Variants in MICU3 observed in about 807,000 individuals in gnomAD.
The protein encoded by MICU3 is calcium uptake protein 3, mitochondrial.
A neutral mutation model predicts 66.5 loss-of-function variants in MICU3; 62 were observed. The observed-to-expected ratio is 0.93, with a 90% CI of 0.76 to 1.15. The LOEUF (loss-of-function observed/expected upper bound fraction) is 1.15, where lower values mean the gene tolerates loss of function less well. Among genes scored for constraint, MICU3 ranks in the 50% most tolerant of loss-of-function variants. The pLI is 0.00. For synonymous variants in MICU3, 308 were observed against 240.7 expected, an observed-to-expected ratio of 1.28 and a Z score of -2.59; for missense variants, 779 against 664.4, an observed-to-expected ratio of 1.17 and a Z score of -1.90.
chr8:17,134,431 T>TTTTG, the MICU3 span, among the ~76,000 whole-genome samples: 71,199 of 148,606 alleles, frequency 0.48, 18,384 homozygotes, highest in East Asian at 0.71. Flanking sequence ...AAAGTCAGCC[T>TTTTG]TTTGTTTGTT....
At chr8:17,102,263 T>A (rs1801332733) in intron 9 of MICU3, among the ~76,000 whole-genome samples, 1 of 151,718 alleles carries the variant, frequency 6.6e-6, no homozygotes, top group South Asian at 2.1e-4. Flanking sequence ...GAGCATGGAG[T>A]AACCTCTGAA....
intron 1 of MICU3, among the ~76,000 whole-genome samples, chr8:17,029,224 C>G (rs1462605086): frequency 6.6e-6 from 1 of 152,132 alleles, no homozygotes; most frequent in East Asian, 1.9e-4. Context: ...GCCTGTAATC[C>G]CAGCACTTTG....
intron 1 of MICU3, among the ~76,000 whole-genome samples, chr8:17,038,781 G>A (rs928968251): frequency 2.0e-5 from 3 of 151,900 alleles, no homozygotes; most frequent in Non-Finnish European, 2.9e-5. Flanking sequence ...GTGAAACCCC[G>A]TCTCTACTGA....
chr8:17,059,479 T>C (rs56178050), intron 1 of MICU3, among the ~76,000 whole-genome samples: 21,965 of 152,158 alleles, frequency 0.14, 2,069 homozygotes, highest in East Asian at 0.38. Context: ...ACTGATAATA[T>C]TCAACATCAT....
chr8:17,097,081 A>G (rs767992391), intron 8 of MICU3, among the ~76,000 whole-genome samples: 11 of 151,534 alleles, frequency 7.3e-5, no homozygotes, highest in South Asian at 6.2e-4. Context: ...AGTAGTGCAC[A>G]GTAAGCCTTA....
chr8:17,067,627 C>T (rs1262797363), intron 2 of MICU3, among the ~76,000 whole-genome samples: 1 of 152,006 alleles, frequency 6.6e-6, no homozygotes, highest in Non-Finnish European at 1.5e-5. Flanking sequence ...TGGAGTTTCA[C>T]CATGGTTTAA....
chr8:17,028,380 A>G (rs1321374802), intron 1 of MICU3, among the ~76,000 whole-genome samples: 2 of 152,192 alleles, frequency 1.3e-5, no homozygotes, highest in South Asian at 2.1e-4. Flanking sequence ...AAAATGTTCA[A>G]CTGTCATTAT....
At chr8:17,066,544 T>TATATATATATATATATATAGAGA (rs1491234403) in intron 2 of MICU3, among the ~76,000 whole-genome samples, 1 of 61,532 alleles carries the variant, frequency 1.6e-5, no homozygotes, top group African/African-American at 1.1e-4. Context: ...TATATATAGA[T>TATATATATATATATATATAGAGA]TTTTTTTTTT....
At chr8:17,101,881 A>G (rs1243623780) in intron 9 of MICU3, among the ~76,000 whole-genome samples, 1 of 151,924 alleles carries the variant, frequency 6.6e-6, no homozygotes, top group African/African-American at 2.4e-5. Context: ...AATATATTTG[A>G]CAAAAATACA....
At chr8:17,086,756 A>G (rs145792572) in intron 6 of MICU3, among the ~76,000 whole-genome samples, 1 of 152,254 alleles carries the variant, frequency 6.6e-6, no homozygotes, top group Non-Finnish European at 1.5e-5. Flanking sequence ...CATTAAGTAC[A>G]TTTAACTTAA....
At chr8:17,046,612 G>C (rs1376581716) in intron 1 of MICU3, among the ~76,000 whole-genome samples, 1 of 152,070 alleles carries the variant, frequency 6.6e-6, no homozygotes, top group Non-Finnish European at 1.5e-5. Context: ...CTTGGGGGAG[G>C]AGAGGTGTCA....
intron 11 of MICU3, among the ~76,000 whole-genome samples, chr8:17,111,838 T>C (rs1802229698): frequency 6.6e-6 from 1 of 152,218 alleles, no homozygotes; most frequent in Admixed American, 6.5e-5. Context: ...TATAAAGAGA[T>C]GCTTGAGACT....
At chr8:17,129,751 C>T in the MICU3 span, among the ~76,000 whole-genome samples, 32 of 152,168 alleles carry the variant, frequency 2.1e-4, no homozygotes, top group East Asian at 5.0e-3. Flanking sequence ...AAGTACTAAC[C>T]AAAATTCTTC....
chr8:17,117,607 CTT>C (rs1244315510), intron 13 of MICU3, among the ~76,000 whole-genome samples: 10 of 129,418 alleles, frequency 7.7e-5, no homozygotes, highest in Admixed American at 8.1e-5. Flanking sequence ...AAGTTTTATC[CTT>C]TTTTTTTTTT....
At chr8:17,033,433 T>G (rs1241184987) in intron 1 of MICU3, among the ~76,000 whole-genome samples, 1 of 152,120 alleles carries the variant, frequency 6.6e-6, no homozygotes, top group Non-Finnish European at 1.5e-5. Flanking sequence ...AAGGCCTTAA[T>G]TATCATCAAT....
In MICU3 at chr8:17,120,766, T is replaced by G. The variant is rs183954435; in HGVS notation, c.*479T>G. 3.9e-5 allele frequency: 6 copies of G among 152,558 alleles called. No individual in the cohort carries two copies. The highest frequency in any genetic ancestry group is 2.6e-4 in the Admixed American group (4 of 15,272). 9.5% of individuals were successfully genotyped at this position (152,558 alleles called of 1,614,324 possible). A position where few individuals can be genotyped will look rare whatever the true frequency, so the allele number is the denominator to read the frequency against. ...TTGAGATTTATAATACCCTTAGAAT[T>G]AAATTCCTGTTATTTGCCCAGTTTT... On this transcript the variant is annotated 3_prime_UTR_variant, in exon 15 of 15. Coordinates refer to ENST00000318063, the MANE Select transcript of MICU3 (RefSeq NM_181723.3).
At chr8:17,096,782 A>G (rs1218846515) in intron 8 of MICU3, among the ~76,000 whole-genome samples, 1 of 151,884 alleles carries the variant, frequency 6.6e-6, no homozygotes, top group Non-Finnish European at 1.5e-5. Flanking sequence ...ATATTATCCT[A>G]ATAGATAAAT....
chr8:17,130,550 T>C, the MICU3 span, among the ~76,000 whole-genome samples: 1 of 152,064 alleles, frequency 6.6e-6, no homozygotes, highest in Non-Finnish European at 1.5e-5. Flanking sequence ...CAATTGACTC[T>C]TTAAAATGAA....
chr8:17,134,600 A>G, the MICU3 span, among the ~76,000 whole-genome samples: 7 of 152,050 alleles, frequency 4.6e-5, no homozygotes, highest in Non-Finnish European at 1.0e-4. Flanking sequence ...GCCCACCACC[A>G]CACCTGGCTA....
Sources: allele counts gnomAD v4.1 joint callset (sites outside exome capture counted in the v4.1 genomes callset), GRCh38; gene constraint gnomAD v4.1.1; transcripts MANE v1.5; gene names NCBI Gene and HGNC (gene_info 2026-07-23, HGNC 2026-07-21).